Variants in ADGRG7 observed in about 807,000 individuals in gnomAD.
ADGRG7 encodes G-protein coupled receptor 128.
In ADGRG7, 82 loss-of-function variants were observed where a neutral mutation model predicts 88.6. The observed-to-expected ratio is 0.93, with a 90% CI of 0.77 to 1.11. The LOEUF is 1.11. Ranked by LOEUF, ADGRG7 falls within the 50% of genes most tolerant of loss-of-function variation. The pLI is 0.00. For missense variants in ADGRG7, 945 were observed against 953.4 expected (o/e 0.99, Z 0.12); for synonymous variants, 381 against 345.2 (o/e 1.10, Z -1.15).
intron 3 of ADGRG7, 145 bp from the exon 4 acceptor site, chr3:100,633,120 A>T (rs1707478726): frequency 5.1e-6 from 2 of 390,904 alleles, no homozygotes; most frequent in South Asian, 2.2e-4. Context: ...AAAAATCAAG[A>T]TAATAAGTGG....
At chr3:100,615,532 T>C (rs921511236) in intron 1 of ADGRG7, among the ~76,000 whole-genome samples, 7 of 152,332 alleles carry the variant, frequency 4.6e-5, no homozygotes, top group African/African-American at 1.7e-4. Context: ...GGGTACCTTC[T>C]ATTCAATGGC....
Position 100,659,799 on chromosome 3 carries a change from A to C in ADGRG7, c.1935A>C (p.Thr645=). Residue 645 remains threonine (T), a synonymous_variant, in exon 14 of 16, where the codon ACA becomes ACC. Transcript: ENST00000273352. The part of the protein sequence containing the change: ...ILISNVVMFI[T]ISIKVLWKNN... ...TCAGCAATGTTGTTATGTTTATTACAATCTCGATCAAAGTGCTGTGGAAGA... is the reference window on the plus strand; with the variant it reads ...TCAGCAATGTTGTTATGTTTATTACCATCTCGATCAAAGTGCTGTGGAAGA... 1 of 1,613,950 alleles carries C rather than the reference A, an allele frequency of 6.2e-7. No homozygotes were observed. The highest frequency in any genetic ancestry group is 8.5e-7 in the Non-Finnish European group (1 of 1,179,930).
rs184271932 is a variant in ADGRG7, at chr3:100,673,020, T to G, written c.2136+3915T>G. Among the ~76,000 whole-genome samples the G allele has an allele frequency of 4.2e-3, 636 of 151,998 alleles. 9 individuals carry two copies. Among genetic ancestry groups the G allele is most frequent in the African/African-American group, 0.012 (511 of 41,472 alleles). On this transcript the variant is annotated intron_variant, in intron 15 of 15. Coordinates refer to ENST00000273352, the MANE Select transcript of ADGRG7 (RefSeq NM_032787.3). ...CAGGGATACTGGCCTGAAATTTTTTTTGTGTGTGTGTGTGTCTCTGCTAGG... is the reference window on the plus strand; with the variant it reads ...CAGGGATACTGGCCTGAAATTTTTTGTGTGTGTGTGTGTGTCTCTGCTAGG...
chr3:100,619,092 G>A (rs1381443992), intron 1 of ADGRG7, among the ~76,000 whole-genome samples: 1 of 152,100 alleles, frequency 6.6e-6, no homozygotes, highest in Non-Finnish European at 1.5e-5. Context: ...TGGTGAAGTT[G>A]CCTGTCAGCT....
chr3:100,629,421 G>A (rs1163616369), intron 1 of ADGRG7, among the ~76,000 whole-genome samples, 177 bp from the exon 2 acceptor site: 2 of 151,670 alleles, frequency 1.3e-5, no homozygotes, highest in Non-Finnish European at 2.9e-5. Flanking sequence ...AGTAAGCATT[G>A]TACATCTAGT....
intron 14 of ADGRG7, 142 bp from the exon 15 acceptor site, chr3:100,668,807 T>A (rs558074568): frequency 2.0e-6 from 1 of 506,032 alleles, no homozygotes; most frequent in African/African-American, 2.0e-5. Flanking sequence ...CTTAGCATCA[T>A]TTTTCCACCT....
intron 1 of ADGRG7, among the ~76,000 whole-genome samples, chr3:100,613,914 T>C (rs1255891426): frequency 6.6e-6 from 1 of 152,194 alleles, no homozygotes; most frequent in Non-Finnish European, 1.5e-5. Flanking sequence ...TAGATCCCAA[T>C]AATGCCCCTC....
intron 15 of ADGRG7, among the ~76,000 whole-genome samples, chr3:100,683,550 G>T (rs2094976957): frequency 6.6e-6 from 1 of 152,236 alleles, no homozygotes; most frequent in South Asian, 2.1e-4. Flanking sequence ...CAGCTGGCAT[G>T]CCTGGCTGTG....
chr3:100,693,546 T>A (rs1050699082), intron 15 of ADGRG7, among the ~76,000 whole-genome samples: 10 of 152,164 alleles, frequency 6.6e-5, no homozygotes, highest in Non-Finnish European at 1.0e-4. Context: ...CTTTCCAGAG[T>A]ACCAGAAGTC....
At chr3:100,617,212 CT>C (rs1263472696) in intron 1 of ADGRG7, among the ~76,000 whole-genome samples, 2 of 151,974 alleles carry the variant, frequency 1.3e-5, no homozygotes, top group Non-Finnish European at 2.9e-5. Context: ...ATAATATTTT[CT>C]TTTTTTCTTT....
chr3:100,670,561 A>G (rs2094957095), intron 15 of ADGRG7, among the ~76,000 whole-genome samples: 1 of 151,962 alleles, frequency 6.6e-6, no homozygotes, highest in Non-Finnish European at 1.5e-5. Flanking sequence ...TTCTATTTTT[A>G]GCTTTTTTTT....
chr3:100,624,235 C>T (rs1707351645), intron 1 of ADGRG7, among the ~76,000 whole-genome samples: 1 of 152,206 alleles, frequency 6.6e-6, no homozygotes, highest in South Asian at 2.1e-4. Context: ...ACCATTCTGA[C>T]TGGTGTGAAA....
At chr3:100,673,338 T>C (rs1470167590) in intron 15 of ADGRG7, among the ~76,000 whole-genome samples, 4 of 152,210 alleles carry the variant, frequency 2.6e-5, no homozygotes, top group African/African-American at 9.6e-5. Context: ...TTCTCAATTT[T>C]CTAGTTTATT....
intron 15 of ADGRG7, among the ~76,000 whole-genome samples, chr3:100,673,703 C>T (rs184889755): frequency 2.0e-4 from 31 of 152,150 alleles, no homozygotes; most frequent in African/African-American, 6.3e-4. Flanking sequence ...ATGGTCCACC[C>T]GCCTTGGCCT....
At chr3:100,641,049 T>C (rs1321601519) in intron 6 of ADGRG7, among the ~76,000 whole-genome samples, 2 of 152,166 alleles carry the variant, frequency 1.3e-5, no homozygotes, top group Non-Finnish European at 2.9e-5. Context: ...TTATCGTAAA[T>C]AGGCATATGG....
chr3:100,629,560 C>A, intron 1 of ADGRG7, 38 bp from the exon 2 acceptor site: 3 of 1,414,610 alleles, frequency 2.1e-6, no homozygotes, highest in Non-Finnish European at 3.0e-6. Flanking sequence ...AATGAATCAG[C>A]CAGTTCATGA....
chr3:100,659,959 G>A (rs889561402), intron 14 of ADGRG7, 116 bp downstream of exon 14: 15 of 966,412 alleles, frequency 1.6e-5, no homozygotes, highest in African/African-American at 3.3e-5. Flanking sequence ...GCAGGGCTAC[G>A]TGGTTTACAG....
chr3:100,647,018 G>A (rs6780378), intron 10 of ADGRG7, among the ~76,000 whole-genome samples: 81,401 of 151,850 alleles, frequency 0.54, 22,996 homozygotes, highest in South Asian at 0.76. Context: ...ATTACCAGGT[G>A]TAGTGGTGCA....
intron 11 of ADGRG7, chr3:100,654,610 T>C (rs2094935023): frequency 2.3e-6 from 1 of 426,512 alleles, no homozygotes; most frequent in African/African-American, 2.0e-5. Context: ...AGAAAAGATA[T>C]GTCAACCTGT....
Sources: gnomAD v4.1 joint callset for allele counts (sites outside exome capture counted in the v4.1 genomes callset) on GRCh38, gnomAD v4.1.1 for gene constraint, MANE v1.5 for transcripts, NCBI Gene and HGNC (gene_info 2026-07-23, HGNC 2026-07-21) for gene names.